The following COLEC10 variants were observed in gnomAD, a reference collection of about 807,000 sequenced individuals.
The protein encoded by COLEC10 is collectin-10.
In COLEC10, 22 loss-of-function variants were observed where a neutral mutation model predicts 28.4. That is an observed-to-expected ratio of 0.78 (90% CI 0.55 to 1.11). The LOEUF (loss-of-function observed/expected upper bound fraction) is 1.11. Ranked by LOEUF, COLEC10 falls within the 50% of genes least tolerant of loss-of-function variation. COLEC10 has a pLI of 0.00. For synonymous variants in COLEC10, 125 were observed against 116.1 expected (o/e 1.08, Z -0.49); for missense variants, 361 against 344.1 (o/e 1.05, Z -0.39).
At chr8:118,959,275 G>A in the COLEC10 span, among the ~76,000 whole-genome samples, 1 of 152,326 alleles carries the variant, frequency 6.6e-6, no homozygotes, top group Non-Finnish European at 1.5e-5. Flanking sequence ...AGATCTGGAA[G>A]TTCAGTAGCA....
In COLEC10 at chr8:119,106,800, T is replaced by C. The variant is rs1254052879; in HGVS notation, c.*609T>C. 6.6e-6 allele frequency among the ~76,000 whole-genome samples: 1 copy of C among 152,198 alleles called. No individual in the cohort carries two copies. Among genetic ancestry groups the C allele is most frequent in the East Asian group, 1.9e-4 (1 of 5,202 alleles). ...TAGCTTTGTGTCTTGTTTCAGACCA[T>C]GTGGAATGATAAATACTCTTTTTGT... On this transcript the variant is annotated 3_prime_UTR_variant, in exon 6 of 6. Transcript: ENST00000332843.
At chr8:119,023,930 G>A (rs1386202890) in intron 2 of COLEC10, among the ~76,000 whole-genome samples, 1 of 152,110 alleles carries the variant, frequency 6.6e-6, no homozygotes, top group Non-Finnish European at 1.5e-5. Context: ...TTTGTCCAGA[G>A]ACAGGCACTG....
At chr8:119,054,426 C>T (rs968380737) in intron 2 of COLEC10, among the ~76,000 whole-genome samples, 2 of 151,938 alleles carry the variant, frequency 1.3e-5, no homozygotes, top group African/African-American at 2.4e-5. Flanking sequence ...CATATAAAGA[C>T]GTTTGTATTT....
chr8:118,983,917 G>T, the COLEC10 span, among the ~76,000 whole-genome samples: 1 of 152,118 alleles, frequency 6.6e-6, no homozygotes, highest in Non-Finnish European at 1.5e-5. Flanking sequence ...ATTGTGGAAA[G>T]CAGTTTGATG....
At chr8:118,989,126 G>A in the COLEC10 span, among the ~76,000 whole-genome samples, 1 of 152,092 alleles carries the variant, frequency 6.6e-6, no homozygotes, top group Non-Finnish European at 1.5e-5. Flanking sequence ...GATAGCAGAC[G>A]AGAACAGATG....
At chr8:119,091,266 G>A (rs1587057843) in intron 3 of COLEC10, 46 bp downstream of exon 3, 2 of 1,442,262 alleles carry the variant, frequency 1.4e-6, no homozygotes, top group Non-Finnish European at 1.9e-6. Context: ...AAAGCAAATT[G>A]AGGCCGGGTA....
At chr8:118,956,304 G>A in the COLEC10 span, among the ~76,000 whole-genome samples, 1 of 152,146 alleles carries the variant, frequency 6.6e-6, no homozygotes, top group East Asian at 1.9e-4. Flanking sequence ...ATAACAAAAT[G>A]ACATGATCAT....
chr8:119,022,319 A>G (rs1464309861), intron 2 of COLEC10, among the ~76,000 whole-genome samples: 1 of 152,120 alleles, frequency 6.6e-6, no homozygotes, highest in Non-Finnish European at 1.5e-5. Flanking sequence ...GGCCACTCCC[A>G]TAGTCAAGTA....
chr8:119,034,212 G>A (rs1422359263), intron 2 of COLEC10, among the ~76,000 whole-genome samples: 1 of 152,008 alleles, frequency 6.6e-6, no homozygotes, highest in Non-Finnish European at 1.5e-5. Context: ...TGGACACAGG[G>A]AGGGGAACAT....
intron 1 of COLEC10, among the ~76,000 whole-genome samples, chr8:119,085,262 G>T (rs1178657498): frequency 6.6e-6 from 1 of 152,166 alleles, no homozygotes; most frequent in African/African-American, 2.4e-5. Context: ...ATGATAAAAT[G>T]GATGAATGGG....
At chr8:119,072,643 G>A (rs1815146917) in intron 1 of COLEC10, among the ~76,000 whole-genome samples, 1 of 152,108 alleles carries the variant, frequency 6.6e-6, no homozygotes, top group African/African-American at 2.4e-5. Flanking sequence ...AGTGTTGATG[G>A]CACCTCAGTG....
rs181884642 is a variant in COLEC10 at position 119,035,740 on chromosome 8, T to C, written n.235+26187T>C. Among the ~76,000 whole-genome samples the C allele has an allele frequency of 6.6e-5, 10 of 152,314 alleles. No individual in the cohort carries two copies. In the East Asian group the frequency reaches 1.9e-3, roughly 29 times the overall value. On this transcript the variant is annotated intron_variant and non_coding_transcript_variant, in intron 2 of 6. Transcript: ENST00000521788. Reference sequence around the variant, plus strand: ...GTTGACAATTACATGGTTTTGGGCCTTCCAGTTATAATTGTATTTTTAAAA... The same window carrying C: ...GTTGACAATTACATGGTTTTGGGCCCTCCAGTTATAATTGTATTTTTAAAA...
the COLEC10 span, among the ~76,000 whole-genome samples, chr8:118,971,731 C>G: frequency 6.6e-6 from 1 of 151,968 alleles, no homozygotes; most frequent in Non-Finnish European, 1.5e-5. Context: ...ATTTAATACA[C>G]AACCTCATAA....
At chr8:119,071,781 T>C (rs1296015585) in intron 1 of COLEC10, among the ~76,000 whole-genome samples, 1 of 152,132 alleles carries the variant, frequency 6.6e-6, no homozygotes, top group Non-Finnish European at 1.5e-5. Flanking sequence ...GGGTGCTCAA[T>C]ACATATTTTT....
intron 4 of COLEC10, among the ~76,000 whole-genome samples, chr8:119,103,514 G>T (rs1587067981): frequency 6.6e-6 from 1 of 151,998 alleles, no homozygotes; most frequent in South Asian, 2.1e-4. Flanking sequence ...ATGCCAAATG[G>T]TCCAAAATGT....
At chr8:119,091,595 G>A (rs112927764) in intron 3 of COLEC10, among the ~76,000 whole-genome samples, 72 of 138,564 alleles carry the variant, frequency 5.2e-4, no homozygotes, top group Non-Finnish European at 8.9e-4. Context: ...GAGAGAGAGA[G>A]AGAAAGAAAG....
upstream of COLEC10, among the ~76,000 whole-genome samples, chr8:119,066,159 T>C (rs1377254242): frequency 6.6e-6 from 1 of 152,224 alleles, no homozygotes; most frequent in Non-Finnish European, 1.5e-5. Flanking sequence ...ATCTGTAAGG[T>C]CCTTCTTTTC....
chr8:119,041,428 T>C (rs1321998508), intron 2 of COLEC10, among the ~76,000 whole-genome samples: 2 of 152,332 alleles, frequency 1.3e-5, no homozygotes, highest in African/African-American at 4.8e-5. Flanking sequence ...TTCTATGAAG[T>C]AGATATAGAC....
rs763547943 is a variant in COLEC10, at chr8:119,089,631, A to G, written c.149-49A>G. ...CACCTTACCCTGGGAGAATGTGCTC[A>G]TGTTACTGTTTGAGATGCTTCACTC... On this transcript the variant is annotated intron_variant, in intron 1 of 5. Coordinates refer to ENST00000332843, the MANE Select transcript of COLEC10 (RefSeq NM_006438.5). 3 of 1,433,274 alleles carry G rather than the reference A, an allele frequency of 2.1e-6. No homozygotes were observed. In the East Asian group the frequency reaches 6.9e-5, roughly 33 times the overall value. The allele number at this position is 1,433,274 out of a possible 1,614,324, so 88.8% of individuals were successfully genotyped here. A position where few individuals can be genotyped will look rare whatever the true frequency, so the allele number is the denominator to read the frequency against.
Sources: allele counts gnomAD v4.1 joint callset (sites outside exome capture counted in the v4.1 genomes callset), GRCh38; gene constraint gnomAD v4.1.1; transcripts MANE v1.5; gene names NCBI Gene and HGNC (gene_info 2026-07-23, HGNC 2026-07-21).